PGGT1B: variants seen among roughly 807,000 people sequenced by gnomAD.
The protein encoded by PGGT1B is protein geranylgeranyltransferase type I subunit beta, also known as geranylgeranyl transferase type-1 subunit beta.
In PGGT1B, 30 loss-of-function variants were observed where a neutral mutation model predicts 46.1. That is an observed-to-expected ratio of 0.65 (90% CI 0.49 to 0.88). The LOEUF is 0.88. Among genes scored for constraint, PGGT1B ranks in the 40% least tolerant of loss-of-function variants. The pLI, the probability that PGGT1B is intolerant of heterozygous loss-of-function variation, is 0.00. For synonymous variants in PGGT1B, 170 were observed against 160.0 expected, an observed-to-expected ratio of 1.06 and a Z score of -0.47; for missense variants, 376 against 455.9, an observed-to-expected ratio of 0.82 and a Z score of 1.60.
At chr5:115,228,895 A>C (rs1483561650) in intron 6 of PGGT1B, among the ~76,000 whole-genome samples, 1 of 152,240 alleles carries the variant, frequency 6.6e-6, no homozygotes, top group African/African-American at 2.4e-5. Flanking sequence ...TTTCAAAGAC[A>C]AACTTCCTAA....
At position 115,204,033 on chromosome 5, in the gene PGGT1B, TTTA is replaced by T; in HGVS notation, c.*8366_*8368del. 1 of 152,282 alleles carries T rather than the reference TTTA, an allele frequency of 6.6e-6. No individual in the cohort carries two copies. Among genetic ancestry groups the T allele is most frequent in the African/African-American group, 2.4e-5 (1 of 41,556 alleles). 9.4% of individuals were successfully genotyped at this position (152,282 alleles called of 1,614,324 possible). On this transcript the variant is annotated 3_prime_UTR_variant, in exon 9 of 9. Transcript: ENST00000419445. ...AACGTTTTCTTTGCATATCTGAGTA[TTTA>T]TTATGTTTTCGATCCAGCTACCACA...
chr5:115,213,655 C>T (rs879422436), intron 8 of PGGT1B, among the ~76,000 whole-genome samples: 3 of 151,844 alleles, frequency 2.0e-5, no homozygotes, highest in South Asian at 2.1e-4. Context: ...CCTGTAGTTC[C>T]GGCTACTCGG....
chr5:115,245,959 A>C (rs1179703483), intron 2 of PGGT1B, among the ~76,000 whole-genome samples: 2 of 152,220 alleles, frequency 1.3e-5, no homozygotes, highest in East Asian at 3.8e-4. Flanking sequence ...AAATCAAGAA[A>C]ATTACTCATT....
rs757422959 is a variant in PGGT1B, at chr5:115,262,858, C to G, written c.-7G>C. 1.2e-6 allele frequency: 2 copies of G among 1,611,562 alleles called. No individual in the cohort carries two copies. The highest frequency in any genetic ancestry group is 1.1e-5 in the South Asian group (1 of 90,974). Reference sequence around the variant, plus strand: ...CATCCTCAGTGGCCGCCATGCTGCTCCGGAAGCGACGTCCGCCGCGACCCG... The same window carrying G: ...CATCCTCAGTGGCCGCCATGCTGCTGCGGAAGCGACGTCCGCCGCGACCCG... On this transcript the variant is annotated 5_prime_UTR_variant, in exon 1 of 9. Transcript: ENST00000419445.
intron 1 of PGGT1B, among the ~76,000 whole-genome samples, chr5:115,260,423 C>T (rs1483386448): frequency 6.6e-6 from 1 of 151,966 alleles, no homozygotes; most frequent in East Asian, 1.9e-4. Context: ...AACTGCAATA[C>T]CAGGTAAGAG....
chr5:115,250,304 G>C (rs1748035808), intron 2 of PGGT1B, among the ~76,000 whole-genome samples: 1 of 152,132 alleles, frequency 6.6e-6, no homozygotes, highest in African/African-American at 2.4e-5. Context: ...GAAAATATTT[G>C]AAGAGCCAGA....
At chr5:115,256,207 C>T (rs906816906) in intron 1 of PGGT1B, among the ~76,000 whole-genome samples, 1 of 152,114 alleles carries the variant, frequency 6.6e-6, no homozygotes, top group Non-Finnish European at 1.5e-5. Context: ...TGGGTAAAAG[C>T]CACGGCTGCT....
intron 3 of PGGT1B, among the ~76,000 whole-genome samples, chr5:115,239,699 G>A (rs1561480135): frequency 1.3e-5 from 2 of 152,186 alleles, no homozygotes; most frequent in South Asian, 2.1e-4. Context: ...TGCAGAAGAG[G>A]AGCCTGGGCA....
intron 7 of PGGT1B, 128 bp downstream of exon 7, chr5:115,221,696 G>C (rs1580748480): frequency 2.0e-6 from 1 of 493,388 alleles, no homozygotes; most frequent in East Asian, 3.4e-5. Flanking sequence ...AGCTTTGGCA[G>C]AGCAAAAGAG....
At chr5:115,231,344 G>A (rs936878061) in intron 5 of PGGT1B, among the ~76,000 whole-genome samples, 4 of 151,872 alleles carry the variant, frequency 2.6e-5, no homozygotes, top group African/African-American at 7.3e-5. Context: ...GCAAGTATAC[G>A]TGAGCTGGAG....
At chr5:115,232,420 T>A (rs572004943) in intron 5 of PGGT1B, among the ~76,000 whole-genome samples, 7 of 152,136 alleles carry the variant, frequency 4.6e-5, no homozygotes, top group Admixed American at 3.3e-4. Flanking sequence ...ATTGTGGTCA[T>A]TTGCCAAGAC....
chr5:115,234,164 G>T (rs1757094120), intron 5 of PGGT1B, among the ~76,000 whole-genome samples: 1 of 66,516 alleles, frequency 1.5e-5, no homozygotes, highest in Non-Finnish European at 2.6e-5. Flanking sequence ...CATTGTATTG[G>T]TGTTTTTTTT....
chr5:115,233,724 T>G (rs1561477398), intron 5 of PGGT1B, among the ~76,000 whole-genome samples: 1 of 151,554 alleles, frequency 6.6e-6, no homozygotes, highest in Non-Finnish European at 1.5e-5. Flanking sequence ...GCAGCAAAAT[T>G]AAAAATATAC....
chr5:115,230,728 C>T (rs1234658057), intron 6 of PGGT1B, among the ~76,000 whole-genome samples: 1 of 152,044 alleles, frequency 6.6e-6, no homozygotes, highest in Non-Finnish European at 1.5e-5. Flanking sequence ...ATGCAGATAA[C>T]ACTTGAATAG....
chr5:115,231,374 A>G (rs1202439463), intron 5 of PGGT1B, among the ~76,000 whole-genome samples: 2 of 152,152 alleles, frequency 1.3e-5, no homozygotes, highest in East Asian at 3.9e-4. Context: ...AGGATTTCAT[A>G]CTGATAGAAC....
chr5:115,238,514 T>C (rs1757257206), intron 3 of PGGT1B, among the ~76,000 whole-genome samples: 1 of 151,854 alleles, frequency 6.6e-6, no homozygotes. Context: ...TCACTTATAA[T>C]TTAAGTCTTA....
intron 2 of PGGT1B, among the ~76,000 whole-genome samples, chr5:115,248,036 CAT>C (rs1348806453): frequency 2.0e-5 from 3 of 152,176 alleles, no homozygotes; most frequent in African/African-American, 4.8e-5. Flanking sequence ...TTACTTCCCC[CAT>C]GTTATTTTTT....
chr5:115,243,143 AT>A (rs1455362827), intron 2 of PGGT1B, among the ~76,000 whole-genome samples: 1 of 152,240 alleles, frequency 6.6e-6, no homozygotes, highest in Non-Finnish European at 1.5e-5. Context: ...GGACTTTTAA[AT>A]TGGTAAGCTA....
chr5:115,213,812 C>T (rs1303038485), intron 8 of PGGT1B, among the ~76,000 whole-genome samples: 1 of 152,146 alleles, frequency 6.6e-6, no homozygotes, highest in Non-Finnish European at 1.5e-5. Flanking sequence ...CTTACCACAT[C>T]AAACTTTGTC....
Sources: allele counts gnomAD v4.1 joint callset (sites outside exome capture counted in the v4.1 genomes callset), GRCh38; gene constraint gnomAD v4.1.1; transcripts MANE v1.5; gene names NCBI Gene and HGNC (gene_info 2026-07-23, HGNC 2026-07-21).